ZNF883: variants seen among roughly 807,000 people sequenced by gnomAD.
ZNF883 encodes zinc finger protein 883.
chr9:113,001,388 T>C (rs1828422576), upstream of ZNF883, among the ~76,000 whole-genome samples: 1 of 152,098 alleles, frequency 6.6e-6, no homozygotes, highest in African/African-American at 2.4e-5. Flanking sequence ...TAATGGAATC[T>C]GATGTACAGA....
At chr9:112,999,099 A>G (rs1828396097), upstream of ZNF883, 2 of 152,244 alleles carry the variant, frequency 1.3e-5, no homozygotes, top group African/African-American at 4.8e-5. Flanking sequence ...GACTTCAGAT[A>G]TAGTATCCAG....
downstream of ZNF883, among the ~76,000 whole-genome samples, chr9:112,992,530 C>T (rs764520209): frequency 1.9e-4 from 29 of 152,060 alleles, no homozygotes; most frequent in Non-Finnish European, 3.5e-4. Flanking sequence ...TCATTTCGAC[C>T]TTGGAGAATC....
intron 2 of ZNF883, among the ~76,000 whole-genome samples, chr9:113,007,751 A>C (rs1174524933): frequency 6.6e-6 from 1 of 152,198 alleles, no homozygotes; most frequent in Non-Finnish European, 1.5e-5. Flanking sequence ...GGAAACATTA[A>C]GGCAAATTTC....
exon 1 of ZNF883, chr9:112,997,675 T>C (rs779450899): frequency 5.6e-6 from 9 of 1,612,346 alleles, no homozygotes; most frequent in Non-Finnish European, 7.6e-6. Context: ...GTCGGATTAG[T>C]GATGTACTGT....
chr9:113,001,322 G>C (rs898693012), upstream of ZNF883, among the ~76,000 whole-genome samples: 5 of 152,014 alleles, frequency 3.3e-5, no homozygotes, highest in Admixed American at 6.6e-5. Flanking sequence ...GCTGGTGAAC[G>C]GCAGAGAATG....
chr9:112,997,820 T>C, exon 1 of ZNF883: 1 of 1,613,074 alleles, frequency 6.2e-7, no homozygotes, highest in Non-Finnish European at 8.5e-7. Context: ...CTTTCCAGTA[T>C]GAATTCTATG....
intron 2 of ZNF883, among the ~76,000 whole-genome samples, chr9:113,009,340 ACTC>A (rs1266284034): frequency 1.3e-5 from 2 of 151,158 alleles, no homozygotes; most frequent in African/African-American, 2.4e-5. Flanking sequence ...TCTCATCTCA[ACTC>A]CTACTGTGCT....
intron 2 of ZNF883, among the ~76,000 whole-genome samples, chr9:113,005,271 T>G (rs980538236): frequency 2.6e-5 from 4 of 152,040 alleles, no homozygotes; most frequent in Non-Finnish European, 5.9e-5. Context: ...TATTTGCAAC[T>G]AATAAAGCAA....
At chr9:113,005,232 TA>T (rs1394706423) in intron 2 of ZNF883, among the ~76,000 whole-genome samples, 1 of 152,108 alleles carries the variant, frequency 6.6e-6, no homozygotes, top group East Asian at 1.9e-4. Context: ...TCAACTAAAT[TA>T]AAAGACAAAA....
chr9:113,010,503 A>C (rs1828522864), intron 2 of ZNF883, among the ~76,000 whole-genome samples: 2 of 152,206 alleles, frequency 1.3e-5, no homozygotes, highest in South Asian at 4.1e-4. Flanking sequence ...ACACGTTATG[A>C]ACTATTGTTC....
intron 2 of ZNF883, among the ~76,000 whole-genome samples, chr9:113,003,593 AAG>A (rs1376592358): frequency 2.8e-3 from 217 of 78,298 alleles, no homozygotes; most frequent in African/African-American, 0.01. Flanking sequence ...AAAAAAAAAA[AAG>A]AATGGAAATG....
chr9:112,997,427 G>C (rs1344328184), exon 1 of ZNF883: 4 of 1,614,018 alleles, frequency 2.5e-6, no homozygotes, highest in Non-Finnish European at 3.4e-6. Flanking sequence ...AGTAAGGTGT[G>C]TACTTCGACT....
At chr9:112,997,762 T>C (rs1390715457) in exon 1 of ZNF883, 1 of 1,613,936 alleles carries the variant, frequency 6.2e-7, no homozygotes, top group Admixed American at 1.7e-5. Flanking sequence ...CAATTAGGTG[T>C]GTGCTGCGGC....
At chr9:113,007,199 A>T (rs1480733155) in intron 2 of ZNF883, among the ~76,000 whole-genome samples, 1 of 152,218 alleles carries the variant, frequency 6.6e-6, no homozygotes, top group African/African-American at 2.4e-5. Context: ...GTCTCAAAAG[A>T]AAAAAATCTC....
At chr9:113,011,578 T>C (rs1029688783) in intron 1 of ZNF883, among the ~76,000 whole-genome samples, 2 of 152,052 alleles carry the variant, frequency 1.3e-5, no homozygotes, top group Admixed American at 6.5e-5. Flanking sequence ...GCCCGCAGAG[T>C]GTAGGGAATC....
exon 1 of ZNF883, chr9:112,997,806 G>A: frequency 6.2e-7 from 1 of 1,613,204 alleles, no homozygotes; most frequent in Non-Finnish European, 8.5e-7. Flanking sequence ...CATTCATATG[G>A]TTTCTTTCCA....
chr9:112,989,850 T>C (rs896745146), intron 1 of ZNF883, among the ~76,000 whole-genome samples: 1 of 152,174 alleles, frequency 6.6e-6, no homozygotes, highest in African/African-American at 2.4e-5. Context: ...TTGTTATCTG[T>C]ATTCCTAGGT....
chr9:113,003,941 T>C (rs1478948319), intron 2 of ZNF883, among the ~76,000 whole-genome samples: 3 of 99,558 alleles, frequency 3.0e-5, no homozygotes, highest in African/African-American at 8.9e-5. Flanking sequence ...AAAAGGTATG[T>C]TGTAATCCTA....
chr9:113,000,555 T>C (rs941984671), upstream of ZNF883, among the ~76,000 whole-genome samples: 4 of 152,076 alleles, frequency 2.6e-5, no homozygotes, highest in South Asian at 2.1e-4. Context: ...TTGGTGTAAG[T>C]GTAGATAAGA....
Sources: gnomAD v4.1 joint callset for allele counts (sites outside exome capture counted in the v4.1 genomes callset) on GRCh38, gnomAD v4.1.1 for gene constraint, MANE v1.5 for transcripts, NCBI Gene and HGNC (gene_info 2026-07-23, HGNC 2026-07-21) for gene names.